LRP1B: variants seen among roughly 807,000 people sequenced by gnomAD.
LRP1B encodes LDL receptor related protein 1B, also known as low-density lipoprotein receptor-related protein 1B.
Under a neutral mutation model 556.6 loss-of-function variants are expected in LRP1B, and 217 were observed. That is an observed-to-expected ratio of 0.39 (90% CI 0.35 to 0.44). LRP1B has a LOEUF of 0.44. LRP1B is among the 20% of genes least tolerant of loss of function. The pLI, the probability that LRP1B is intolerant of heterozygous loss-of-function variation, is 1.00. For synonymous variants in LRP1B, 2,047 were observed against 1,865.8 expected, an observed-to-expected ratio of 1.10 and a Z score of -2.50; for missense variants, 5,053 against 5,620.8, an observed-to-expected ratio of 0.90 and a Z score of 3.23.
At chr2:140,963,270 C>T (rs566637314) in intron 18 of LRP1B, among the ~76,000 whole-genome samples, 4,090 of 146,144 alleles carry the variant, frequency 0.028, 153 homozygotes, top group African/African-American at 0.09. Context: ...AAAAAAAAAA[C>T]ATATATTCCC....
chr2:140,619,388 A>G (rs1683374453), intron 41 of LRP1B, among the ~76,000 whole-genome samples: 1 of 152,166 alleles, frequency 6.6e-6, no homozygotes, highest in African/African-American at 2.4e-5. Flanking sequence ...ATATGTATAT[A>G]CTTTTTTAAA....
chr2:141,019,924 A>G lies in LRP1B; in HGVS notation c.1968T>C (p.Asn656=), dbSNP rs771593740. 3 of 1,588,046 alleles carry G rather than the reference A, an allele frequency of 1.9e-6. No homozygotes were observed. Among genetic ancestry groups the G allele is most frequent in the South Asian group, 2.3e-5 (2 of 87,088 alleles). ...HPRGIVVDPV[N]GWMYWTDWEE... The stretch of plus-strand genomic sequence containing the variant: ...AAAGCTAGTCAAATATTGCATACCC[A>G]TTAACTGGATCCACCACAATTCCTC... Residue 656 remains asparagine (N), a splice_region_variant and synonymous_variant, in exon 12 of 91, where the codon AAT becomes AAC. Coordinates refer to ENST00000389484, the MANE Select transcript of LRP1B (RefSeq NM_018557.3).
chr2:141,422,678 C>G (rs1269626780), intron 3 of LRP1B, among the ~76,000 whole-genome samples: 2 of 152,188 alleles, frequency 1.3e-5, no homozygotes, highest in Non-Finnish European at 2.9e-5. Context: ...ACAGATCAAA[C>G]ATGACATTTA....
At chr2:140,878,914 G>A (rs894941467) in intron 25 of LRP1B, among the ~76,000 whole-genome samples, 4 of 151,410 alleles carry the variant, frequency 2.6e-5, no homozygotes, top group Admixed American at 1.3e-4. Context: ...GCTTGAACCC[G>A]GGAGGCAGAG....
intron 1 of LRP1B, among the ~76,000 whole-genome samples, chr2:142,113,980 C>A (rs746208217): frequency 4.6e-5 from 7 of 152,070 alleles, no homozygotes; most frequent in African/African-American, 1.7e-4. Flanking sequence ...TTCTATAGAG[C>A]AGTATGAACA....
intron 53 of LRP1B, 89 bp from the exon 54 acceptor site, chr2:140,503,192 T>C: frequency 1.8e-6 from 2 of 1,103,334 alleles, no homozygotes; most frequent in Non-Finnish European, 2.7e-6. Flanking sequence ...ACCGGATTAA[T>C]GTGGATTACT....
chr2:140,796,508 A>G (rs1325620008), intron 32 of LRP1B, among the ~76,000 whole-genome samples: 2 of 152,070 alleles, frequency 1.3e-5, no homozygotes, highest in Non-Finnish European at 2.9e-5. Context: ...ACTTTTCATT[A>G]ATGGTGGTTT....
At chr2:142,061,267 T>C (rs898112384) in intron 1 of LRP1B, among the ~76,000 whole-genome samples, 15 of 151,872 alleles carry the variant, frequency 9.9e-5, no homozygotes, top group African/African-American at 3.6e-4. Flanking sequence ...GTGAAGACAA[T>C]ATTTAGTTTT....
chr2:141,927,830 C>G (rs73964841), intron 1 of LRP1B, among the ~76,000 whole-genome samples: 11,547 of 136,974 alleles, frequency 0.084, 1,504 homozygotes, highest in African/African-American at 0.29. Context: ...ATCTTCCCCC[C>G]AAGCTACAGC....
At chr2:140,824,100 A>T (rs2105060429) in intron 31 of LRP1B, among the ~76,000 whole-genome samples, 1 of 145,738 alleles carries the variant, frequency 6.9e-6, no homozygotes, top group Middle Eastern at 3.4e-3. Context: ...AACAAAAGTT[A>T]AAAAAATAGC....
intron 1 of LRP1B, among the ~76,000 whole-genome samples, chr2:142,072,009 G>T (rs1021942282): frequency 3.3e-5 from 5 of 151,876 alleles, no homozygotes; most frequent in Non-Finnish European, 5.9e-5. Context: ...GGACATCTTT[G>T]ATTCTTTCCT....
At chr2:141,063,223 A>C (rs1386629794) in intron 7 of LRP1B, among the ~76,000 whole-genome samples, 1 of 151,826 alleles carries the variant, frequency 6.6e-6, no homozygotes, top group Non-Finnish European at 1.5e-5. Flanking sequence ...GATTACCTAG[A>C]GTATAAAATA....
intron 11 of LRP1B, among the ~76,000 whole-genome samples, chr2:141,045,092 A>G (rs543489832): frequency 0.025 from 3,137 of 123,672 alleles, 113 homozygotes; most frequent in African/African-American, 0.09. Context: ...ATGCAGCCAT[A>G]AAAAATGATG....
chr2:141,451,101 A>T (rs1239123145), intron 3 of LRP1B, among the ~76,000 whole-genome samples: 1 of 152,186 alleles, frequency 6.6e-6, no homozygotes, highest in African/African-American at 2.4e-5. Flanking sequence ...GTAATGTGAT[A>T]CTGGGACGAC....
intron 1 of LRP1B, among the ~76,000 whole-genome samples, chr2:141,825,990 A>G (rs574761195): frequency 1.2e-4 from 18 of 152,162 alleles, no homozygotes; most frequent in Non-Finnish European, 2.1e-4. Context: ...ATTTTAAGTC[A>G]CATTACCAGG....
At chr2:141,827,395 TAGG>T (rs1443748289) in intron 1 of LRP1B, among the ~76,000 whole-genome samples, 1 of 152,202 alleles carries the variant, frequency 6.6e-6, no homozygotes, top group Non-Finnish European at 1.5e-5. Context: ...GTTTTTTAAA[TAGG>T]AGGGGAAGTC....
At chr2:140,269,234 C>T (rs1269007348) in intron 86 of LRP1B, 6 of 468,784 alleles carry the variant, frequency 1.3e-5, no homozygotes, top group African/African-American at 8.0e-5. Context: ...TGATGTCACA[C>T]GAAGCGCAGC....
intron 32 of LRP1B, among the ~76,000 whole-genome samples, chr2:140,786,227 A>G (rs2104974305): frequency 6.6e-6 from 1 of 152,342 alleles, no homozygotes; most frequent in East Asian, 1.9e-4. Context: ...ATTGAATTGC[A>G]GTCAACTTTC....
At chr2:141,497,989 T>A (rs1024299750) in intron 2 of LRP1B, among the ~76,000 whole-genome samples, 2 of 152,016 alleles carry the variant, frequency 1.3e-5, no homozygotes, top group Admixed American at 6.6e-5. Flanking sequence ...AAACTTAACG[T>A]TAGTATCTAA....
Sources: allele counts gnomAD v4.1 joint callset (sites outside exome capture counted in the v4.1 genomes callset), GRCh38; gene constraint gnomAD v4.1.1; transcripts MANE v1.5; gene names NCBI Gene and HGNC (gene_info 2026-07-23, HGNC 2026-07-21).